Variants in GOLPH3L observed in about 807,000 individuals in gnomAD.
The protein encoded by GOLPH3L is golgi phosphoprotein 3 like, also known as Golgi phosphoprotein 3-like.
Under a neutral mutation model 30.3 loss-of-function variants are expected in GOLPH3L, and 22 were observed. The ratio of observed to expected loss-of-function variants is 0.73; its 90% CI spans 0.52 to 1.04. The LOEUF is 1.04. Among genes scored for constraint, GOLPH3L ranks in the 50% least tolerant of loss-of-function variants. The pLI is 0.00. For missense variants in GOLPH3L, 303 were observed against 345.8 expected (o/e 0.88, Z 0.98); for synonymous variants, 120 against 128.2 (o/e 0.94, Z 0.43).
chr1:150,676,547 A>C (rs1173442596), intron 2 of GOLPH3L, among the ~76,000 whole-genome samples: 1 of 151,942 alleles, frequency 6.6e-6, no homozygotes, highest in East Asian at 1.9e-4. Context: ...ATATTCCATC[A>C]ATTGTTTAGT....
chr1:150,676,923 G>A (rs1189074822), intron 2 of GOLPH3L, among the ~76,000 whole-genome samples: 1 of 151,978 alleles, frequency 6.6e-6, no homozygotes, highest in Non-Finnish European at 1.5e-5. Flanking sequence ...GGGATTACAG[G>A]CGTGAGCCAC....
At chr1:150,693,604 G>C (rs977185542) in intron 2 of GOLPH3L, among the ~76,000 whole-genome samples, 3 of 151,588 alleles carry the variant, frequency 2.0e-5, no homozygotes, top group African/African-American at 7.3e-5. Context: ...AGTTACAAAT[G>C]AAGGATGATG....
intron 2 of GOLPH3L, among the ~76,000 whole-genome samples, chr1:150,678,846 C>T (rs760702435): frequency 2.6e-5 from 4 of 152,114 alleles, no homozygotes; most frequent in Middle Eastern, 3.4e-3. Context: ...CCCAGCTACT[C>T]GGGAGGCTGA....
At chr1:150,664,271 T>G (rs1258473363) in intron 2 of GOLPH3L, among the ~76,000 whole-genome samples, 1 of 152,108 alleles carries the variant, frequency 6.6e-6, no homozygotes, top group Non-Finnish European at 1.5e-5. Flanking sequence ...CCGAAAGTGT[T>G]GGGATTACAG....
chr1:150,681,338 T>TA (rs1258417739), intron 2 of GOLPH3L, among the ~76,000 whole-genome samples: 4 of 151,976 alleles, frequency 2.6e-5, no homozygotes, highest in Admixed American at 6.6e-5. Context: ...CCACTGCTGA[T>TA]AAAAAAATTA....
chr1:150,694,200 A>G (rs1440138274), intron 2 of GOLPH3L: 2 of 439,684 alleles, frequency 4.5e-6, no homozygotes, highest in South Asian at 3.3e-5. Context: ...GAGGAAAATA[A>G]AAAATTATTT....
Position 150,663,749 on chromosome 1 carries a change from G to C in GOLPH3L, c.198C>G (p.Phe66Leu). ...GGCCTGATGATATGCAGTCATTCCA[G>C]AAAGATGTGTACCCCTAGGAAAGGA... The part of the protein sequence containing the change: ...GLKDKEGYTS[F>L]WNDCISSGLR... Residue 66 changes from phenylalanine to leucine, a missense_variant, in exon 3 of 5, where the codon TTC (phenylalanine) becomes TTG (leucine). Phe to Leu is a conservative substitution (Grantham distance 22). Transcript: ENST00000271732. 6.2e-7 allele frequency: 1 copy of C among 1,613,482 alleles called. No individual in the cohort carries two copies.
intron 4 of GOLPH3L, among the ~76,000 whole-genome samples, chr1:150,656,307 T>C (rs1472749747): frequency 2.6e-5 from 4 of 152,100 alleles, no homozygotes; most frequent in East Asian, 3.8e-4. Flanking sequence ...TAGCCATACA[T>C]AGGGATCAAT....
intron 4 of GOLPH3L, among the ~76,000 whole-genome samples, chr1:150,656,520 T>C (rs1368234498): frequency 6.6e-6 from 1 of 151,998 alleles, no homozygotes; most frequent in African/African-American, 2.4e-5. Flanking sequence ...CTAAAACAAA[T>C]AGAATAGATC....
In GOLPH3L at chr1:150,662,170, A is replaced by C. The variant is rs587742817; in HGVS notation, c.316-242T>G. 3.9e-5 allele frequency among the ~76,000 whole-genome samples: 6 copies of C among 152,256 alleles called. No homozygotes were observed. In the South Asian group the frequency reaches 1.2e-3, roughly 32 times the overall value. ...TGAATGATAATGGAGAAAAGTTTCA[A>C]TAACAACTCATTTTGAGTCTGGAAA... On this transcript the variant is annotated intron_variant, in intron 3 of 4. Transcript: ENST00000271732.
chr1:150,663,757 T>C lies in GOLPH3L; in HGVS notation c.190A>G (p.Thr64Ala), dbSNP rs761884096. Reference sequence around the variant, plus strand: ...GATATGCAGTCATTCCAGAAAGATGTGTACCCCTAGGAAAGGAGAAAAGAG... The same window carrying C: ...GATATGCAGTCATTCCAGAAAGATGCGTACCCCTAGGAAAGGAGAAAAGAG... ...LLGLKDKEGY[T>A]SFWNDCISSG... is the part of the protein sequence containing the mutation. Residue 64 changes from threonine (T) to alanine (A), a missense_variant, in exon 3 of 5, where the codon ACA becomes GCA. Transcript: ENST00000271732. The C allele has an allele frequency of 1.2e-6, 2 of 1,613,024 alleles. No homozygotes were observed. Among genetic ancestry groups the C allele is most frequent in the East Asian group, 4.5e-5 (2 of 44,862 alleles).
At position 150,648,316 on chromosome 1, in the gene GOLPH3L, C is replaced by T. The variant is rs778842578; in HGVS notation, c.*5G>A. ...AGGGGAAAAGGAGAAATCCACCTGC[C>T]GGCTTTAAGATTTATTGAAGGCTGC... On this transcript the variant is annotated 3_prime_UTR_variant, in exon 5 of 5. Coordinates refer to ENST00000271732, the MANE Select transcript of GOLPH3L (RefSeq NM_018178.6). The T allele has an allele frequency of 9.5e-6, 15 of 1,573,754 alleles. No individual in the cohort carries two copies. The highest frequency in any genetic ancestry group is 4.1e-5 in the African/African-American group (3 of 73,848).
At chr1:150,696,752 TAAACC>T in intron 1 of GOLPH3L, among the ~76,000 whole-genome samples, 1 of 110,648 alleles carries the variant, frequency 9.0e-6, no homozygotes, top group South Asian at 3.1e-4. Context: ...GACTATTTCC[TAAACC>T]AATCCAAGAA....
chr1:150,656,490 C>T (rs587707266), intron 4 of GOLPH3L, among the ~76,000 whole-genome samples: 7 of 152,186 alleles, frequency 4.6e-5, no homozygotes, highest in African/African-American at 1.2e-4. Flanking sequence ...TGCAGCAAAT[C>T]GAAAAGCAAG....
At position 150,677,628 on chromosome 1, in the gene GOLPH3L, C is replaced by CT. The variant is rs766263859; in HGVS notation, c.184-13866dup. On this transcript the variant is annotated intron_variant, in intron 2 of 4. Coordinates refer to ENST00000271732, the MANE Select transcript of GOLPH3L (RefSeq NM_018178.6). Reference sequence around the variant, plus strand: ...AACAATTACTAAACTTCAAACATTTCTTTTTTTTTTTTTTTTAATTTGAGA... The same window carrying CT: ...AACAATTACTAAACTTCAAACATTTCTTTTTTTTTTTTTTTTTAATTTGAGA... Among the ~76,000 whole-genome samples the CT allele has an allele frequency of 1.7e-3, 237 of 135,540 alleles. 1 individual carries two copies. The highest frequency in any genetic ancestry group is 7.4e-3 in the East Asian group (34 of 4,576). The allele number at this position is 135,540 out of a possible 152,430, so 88.9% of individuals were successfully genotyped here.
At position 150,655,565 on chromosome 1, in the gene GOLPH3L, A is replaced by G. The variant is rs587672957; in HGVS notation, c.430+6249T>C. ...GACAAAGTTCCTGCCAAGGTTTAGG[A>G]TATCATTTTTGATGGCAGCCATTGT... On this transcript the variant is annotated intron_variant, in intron 4 of 4. Coordinates refer to ENST00000271732, the MANE Select transcript of GOLPH3L (RefSeq NM_018178.6). Among the ~76,000 whole-genome samples, 4 of 152,308 alleles carry G rather than the reference A, an allele frequency of 2.6e-5. No individual in the cohort carries two copies. The East Asian group carries it at 5.8e-4, about 22-fold the overall frequency.
rs753081445 is a variant in GOLPH3L, at chr1:150,694,748, T to C, written c.91A>G (p.Lys31Glu). The change falls in exon 2 of 5, where the codon AAA (lysine) becomes GAA (glutamate). Residue 31 changes from lysine to glutamate, a missense_variant. Transcript: ENST00000271732. ...MESEEDSNWE[K>E]SPDNEDSGDS... ...CCAGAATCTTCATTGTCTGGACTTT[T>C]CTCCCAATTACTGTCTTCCTCACTT... 1.9e-6 allele frequency: 3 copies of C among 1,610,752 alleles called. No homozygotes were observed. Among genetic ancestry groups the C allele is most frequent in the Non-Finnish European group, 2.5e-6 (3 of 1,176,928 alleles).
intron 4 of GOLPH3L, among the ~76,000 whole-genome samples, chr1:150,653,175 C>CAAAAAAAA (rs757485843): frequency 5.5e-4 from 42 of 75,912 alleles, no homozygotes; most frequent in East Asian, 1.1e-3. Context: ...GCCAAAAAAA[C>CAAAAAAAA]AAAAAAAAAA....
intron 2 of GOLPH3L, 122 bp from the exon 3 acceptor site, chr1:150,663,885 G>C (rs1650433020): frequency 1.5e-6 from 1 of 683,608 alleles, no homozygotes; most frequent in Admixed American, 2.5e-5. Flanking sequence ...TGAACTCAAA[G>C]TATAGAGTAA....
Sources: gnomAD v4.1 joint callset for allele counts (sites outside exome capture counted in the v4.1 genomes callset) on GRCh38, gnomAD v4.1.1 for gene constraint, MANE v1.5 for transcripts, NCBI Gene and HGNC (gene_info 2026-07-23, HGNC 2026-07-21) for gene names.